SLF2: variants seen among roughly 807,000 people sequenced by gnomAD.
The protein encoded by SLF2 is SMC5-SMC6 complex localization factor protein 2.
SLF2 carries 68 observed loss-of-function variants against 124.3 expected under a neutral mutation model. The ratio of observed to expected loss-of-function variants is 0.55; its 90% CI spans 0.45 to 0.67. SLF2 has a LOEUF of 0.67. Ranked by LOEUF, SLF2 falls within the 30% of genes least tolerant of loss-of-function variation. The pLI is 0.00. For missense variants in SLF2, 1,246 were observed against 1,373.7 expected, an observed-to-expected ratio of 0.91 and a Z score of 1.47; for synonymous variants, 480 against 478.8, an observed-to-expected ratio of 1.00 and a Z score of -0.03.
In SLF2 at chr10:100,918,393, C is replaced by T; in HGVS notation, c.925C>T (p.His309Tyr). The change falls in exon 4 of 20, where the codon CAT becomes TAT. Residue 309 changes from histidine (H) to tyrosine (Y), a missense_variant. By Grantham distance (83) the His-to-Tyr change is moderately conservative (BLOSUM62 2). Coordinates refer to ENST00000238961, the MANE Select transcript of SLF2 (RefSeq NM_018121.4). ...KNNLSNVENG[H>Y]LSRKRSSSDS... ...CTCATTGTGCTCATAGGAAAATGGA[C>T]ATCTCTCAAGAAAAAGATCCTCTTC... 1 of 1,594,328 alleles carries T rather than the reference C, an allele frequency of 6.3e-7. No homozygotes were observed. The highest frequency in any genetic ancestry group is 1.7e-5 in the Admixed American group (1 of 57,268).
In SLF2 at chr10:100,912,970, AAG is replaced by A; in HGVS notation, c.-135_-134del. 6.9e-6 allele frequency: 6 copies of A among 875,380 alleles called. No homozygotes were observed. In the South Asian group the frequency reaches 8.7e-5, roughly 13 times the overall value. The allele number at this position is 875,380 out of a possible 1,614,324, so 54.2% of individuals were successfully genotyped here. Reference sequence around the variant, plus strand: ...CCCGCTCACGCCGGAGTCACTTCCGAAGAGAGAACCGCCATGAAGAGAGAAGG... The same window carrying A: ...CCCGCTCACGCCGGAGTCACTTCCGAAGAGAACCGCCATGAAGAGAGAAGG... On this transcript the variant is annotated 5_prime_UTR_variant, in exon 1 of 20. Coordinates refer to ENST00000238961, the MANE Select transcript of SLF2 (RefSeq NM_018121.4).
chr10:100,922,349 C>T (rs996594150), intron 4 of SLF2, among the ~76,000 whole-genome samples: 12 of 152,160 alleles, frequency 7.9e-5, no homozygotes, highest in African/African-American at 2.4e-4. Flanking sequence ...AGGCATGAGC[C>T]ACTAGACATG....
At chr10:100,940,134 T>A (rs917034065) in intron 11 of SLF2, among the ~76,000 whole-genome samples, 1 of 152,248 alleles carries the variant, frequency 6.6e-6, no homozygotes, top group African/African-American at 2.4e-5. Flanking sequence ...TTTAGTGAAC[T>A]CAGTAGTGTG....
Position 100,950,061 on chromosome 10 carries a change from T to C in SLF2, c.3121-15T>C, listed in dbSNP as rs754887373. 2 of 1,551,162 alleles carry C rather than the reference T, an allele frequency of 1.3e-6. No homozygotes were observed. The highest frequency in any genetic ancestry group is 2.5e-5 in the South Asian group (2 of 79,464). On this transcript the variant is annotated splice_polypyrimidine_tract_variant and intron_variant, in intron 15 of 19. Transcript: ENST00000238961. ...TTATTTAGCTTTGTTCAATGTCTCC[T>C]CTTTCTTTTGATAGGTATCAGTCCT...
intron 13 of SLF2, 21 bp from the exon 14 acceptor site, chr10:100,947,018 T>C: frequency 1.3e-6 from 2 of 1,583,996 alleles, no homozygotes; most frequent in Non-Finnish European, 1.7e-6. Context: ...AAAAGAAATC[T>C]TACATGTTCT....
chr10:100,924,399 A>G lies in SLF2; in HGVS notation c.1398A>G (p.Thr466=). 3 of 1,614,178 alleles carry G rather than the reference A, an allele frequency of 1.9e-6. No individual in the cohort carries two copies. The highest frequency in any genetic ancestry group is 2.5e-6 in the Non-Finnish European group (3 of 1,180,028). ...AAAATAAAACCGCTAGCTCCACGAC[A>G]AAGGAGAAGGAGACAAAACTACCTT... ...LQKNKTASST[T]KEKETKLPLL... Residue 466 remains threonine, a synonymous_variant, in exon 5 of 20, where the codon ACA becomes ACG. Coordinates refer to ENST00000238961, the MANE Select transcript of SLF2 (RefSeq NM_018121.4).
Position 100,964,270 on chromosome 10 carries a change from G to A in SLF2, c.*2358G>A, listed in dbSNP as rs1194993437. The stretch of plus-strand genomic sequence containing the variant: ...GCTTGCACTGAGTGGTGGTGTGTTT[G>A]GCAATATTACTGTGCCAAAAATCAC... On this transcript the variant is annotated 3_prime_UTR_variant, in exon 20 of 20. Coordinates refer to ENST00000238961, the MANE Select transcript of SLF2 (RefSeq NM_018121.4). 2 of 152,602 alleles carry A rather than the reference G, an allele frequency of 1.3e-5. No individual in the cohort carries two copies. The highest frequency in any genetic ancestry group is 2.9e-5 in the Non-Finnish European group (2 of 68,034). The allele number at this position is 152,602 out of a possible 1,614,324, so 9.5% of individuals were successfully genotyped here.
At position 100,929,273 on chromosome 10, in the gene SLF2, A is replaced by G. The variant is rs752699796; in HGVS notation, c.2043-44A>G. On this transcript the variant is annotated intron_variant, in intron 6 of 19. Transcript: ENST00000238961. ...GATATAAACTAAAGACTTTTTAAAA[A>G]TATTTTTAGAGTAAACTGTTATAAC... The G allele has an allele frequency of 7.1e-6, 11 of 1,539,234 alleles. No individual in the cohort carries two copies. The South Asian group carries it at 1.4e-4, about 19-fold the overall frequency.
At chr10:100,956,568 T>C (rs1449934803) in intron 18 of SLF2, 31 bp downstream of exon 18, 9 of 1,500,122 alleles carry the variant, frequency 6.0e-6, no homozygotes, top group Non-Finnish European at 7.3e-6. Context: ...TTTCTTTTTT[T>C]TTTTCTTAAT....
Position 100,946,087 on chromosome 10 carries a change from T to C in SLF2, c.2934+581T>C, listed in dbSNP as rs558066924. ...AACATGTATAATTTTTGTTAGGCCT[T>C]TTTAAAAATTATATTTTTCAGTCTT... On this transcript the variant is annotated intron_variant, in intron 13 of 19. Coordinates refer to ENST00000238961, the MANE Select transcript of SLF2 (RefSeq NM_018121.4). Among the ~76,000 whole-genome samples the C allele has an allele frequency of 1.3e-3, 193 of 152,322 alleles. No individual in the cohort carries two copies. In the Middle Eastern group the frequency reaches 0.017, roughly 13 times the overall value.
intron 10 of SLF2, 114 bp from the exon 11 acceptor site, chr10:100,938,481 G>A: frequency 9.8e-7 from 1 of 1,017,092 alleles, no homozygotes; most frequent in Non-Finnish European, 1.4e-6. Context: ...ATTAGCAGCT[G>A]TCATTTCTAT....
chr10:100,945,574 G>A (rs753026410), intron 13 of SLF2, 68 bp downstream of exon 13: 2 of 1,216,880 alleles, frequency 1.6e-6, no homozygotes, highest in Non-Finnish European at 2.2e-6. Flanking sequence ...TAGTGCATAT[G>A]GAATTAATAC....
At chr10:100,919,390 G>A (rs1385386241) in intron 4 of SLF2, among the ~76,000 whole-genome samples, 4 of 152,118 alleles carry the variant, frequency 2.6e-5, no homozygotes, top group Admixed American at 6.6e-5. Flanking sequence ...GTATAGGGTT[G>A]AGACTGTTAC....
chr10:100,945,272 C>T (rs1218629596), intron 12 of SLF2, 58 bp from the exon 13 acceptor site: 6 of 1,388,590 alleles, frequency 4.3e-6, no homozygotes, highest in African/African-American at 1.5e-5. Flanking sequence ...ATAATTAAAA[C>T]TCTAAAAGTA....
chr10:100,918,341 C>G (rs1849460287), intron 3 of SLF2, 43 bp from the exon 4 acceptor site: 5 of 1,292,142 alleles, frequency 3.9e-6, no homozygotes, highest in Non-Finnish European at 5.4e-6. Flanking sequence ...ACATTCTTTA[C>G]TGTCCCCAAC....
At chr10:100,925,019 A>T in intron 5 of SLF2, 47 bp downstream of exon 5, 3 of 1,529,934 alleles carry the variant, frequency 2.0e-6, no homozygotes, top group Non-Finnish European at 1.8e-6. Flanking sequence ...GGGAAAGATG[A>T]TTAATTAGTG....
chr10:100,935,115 GC>G (rs1849818493), intron 9 of SLF2, among the ~76,000 whole-genome samples: 1 of 152,046 alleles, frequency 6.6e-6, no homozygotes, highest in South Asian at 2.1e-4. Context: ...GTTATGTCAG[GC>G]GGGGCGTGAT....
At chr10:100,951,455 T>C (rs1197233317) in intron 17 of SLF2, among the ~76,000 whole-genome samples, 1 of 152,204 alleles carries the variant, frequency 6.6e-6, no homozygotes, top group Non-Finnish European at 1.5e-5. Context: ...CTACCATCTG[T>C]AGAGACCATG....
chr10:100,944,288 G>C (rs12355569), intron 12 of SLF2, among the ~76,000 whole-genome samples, 160 bp downstream of exon 12: 1 of 151,782 alleles, frequency 6.6e-6, no homozygotes, highest in African/African-American at 2.4e-5. Flanking sequence ...AAGGTCAGGA[G>C]ATCGAGACCA....
Sources: allele counts gnomAD v4.1 joint callset (sites outside exome capture counted in the v4.1 genomes callset), GRCh38; gene constraint gnomAD v4.1.1; transcripts MANE v1.5; gene names NCBI Gene and HGNC (gene_info 2026-07-23, HGNC 2026-07-21).